The following KLC1 variants were observed in gnomAD, a reference collection of about 807,000 sequenced individuals.
KLC1 encodes kinesin 2 60/70kDa.
In KLC1, 30 loss-of-function variants were observed where a neutral mutation model predicts 84.2. The observed-to-expected ratio is 0.36, with a 90% CI of 0.27 to 0.48. The LOEUF is 0.48. KLC1 is among the 20% of genes least tolerant of loss of function. KLC1 has a pLI of 0.99. For missense variants in KLC1, 499 were observed against 805.4 expected (o/e 0.62, Z 4.60); for synonymous variants, 289 against 293.3 (o/e 0.99, Z 0.15).
intron 12 of KLC1, among the ~76,000 whole-genome samples, chr14:103,678,697 GAAAA>G (rs369328870): frequency 1.3e-4 from 18 of 138,074 alleles, no homozygotes; most frequent in African/African-American, 4.8e-4. Flanking sequence ...CTCAAAGAAA[GAAAA>G]AAAAAAAGAA....
intron 11 of KLC1, among the ~76,000 whole-genome samples, chr14:103,676,472 G>T (rs2080885742): frequency 6.6e-6 from 1 of 152,078 alleles, no homozygotes; most frequent in Admixed American, 6.5e-5. Context: ...CACCGTGTTG[G>T]CCAGGCTGGT....
Position 103,686,843 on chromosome 14 carries a change from C to T in KLC1, c.1651-238C>T, listed in dbSNP as rs906011933. 5.3e-5 allele frequency: 10 copies of T among 190,004 alleles called. No individual in the cohort carries two copies. The East Asian group carries it at 1.2e-3, about 23-fold the overall frequency. The allele number at this position is 190,004 out of a possible 1,614,324, so 11.8% of individuals were successfully genotyped here. ...GCGATCACTTGTTTGAATGAGCTTC[C>T]TTATGTCCAAAGGTTTTCATGATCA... On this transcript the variant is annotated intron_variant, in intron 13 of 16. Transcript: ENST00000334553.
intron 2 of KLC1, among the ~76,000 whole-genome samples, chr14:103,656,049 T>C (rs1189347989): frequency 6.6e-6 from 1 of 152,246 alleles, no homozygotes; most frequent in Non-Finnish European, 1.5e-5. Context: ...TCTGCCACAC[T>C]GCACCTTGGC....
chr14:103,638,938 G>T (rs1381669954), intron 1 of KLC1, among the ~76,000 whole-genome samples: 9 of 152,094 alleles, frequency 5.9e-5, no homozygotes, highest in African/African-American at 2.2e-4. Flanking sequence ...GAGTGGTAGG[G>T]TTCCTGAAGC....
At chr14:103,663,767 TG>T (rs1475109503) in intron 5 of KLC1, among the ~76,000 whole-genome samples, 1 of 152,044 alleles carries the variant, frequency 6.6e-6, no homozygotes, top group East Asian at 1.9e-4. Flanking sequence ...AGTTGGGGGC[TG>T]GAGCCGGAGG....
In KLC1 at chr14:103,679,452, C is replaced by T; in HGVS notation, c.1557C>T (p.Arg519=). The stretch of plus-strand genomic sequence containing the variant: ...ATGACCCTGAGAACATGGAGAAGCG[C>T]AGGAGCCGTGAGAGCCTCAACGTGG... ...VLNDPENMEK[R]RSRESLNVDV... Residue 519 remains arginine, a synonymous_variant, in exon 13 of 17, where the codon CGC becomes CGT. Transcript: ENST00000334553. 1.9e-6 allele frequency: 3 copies of T among 1,614,158 alleles called. No homozygotes were observed. The highest frequency in any genetic ancestry group is 1.1e-5 in the South Asian group (1 of 91,072).
Position 103,679,308 on chromosome 14 carries a change from G to A in KLC1, c.1489-76G>A, listed in dbSNP as rs140623157. 4.5e-5 allele frequency: 56 copies of A among 1,231,922 alleles called. No homozygotes were observed. The East Asian group carries it at 1.3e-3, about 29-fold the overall frequency. 76.3% of individuals were successfully genotyped at this position (1,231,922 alleles called of 1,614,324 possible). A position where few individuals can be genotyped will look rare whatever the true frequency, so the allele number is the denominator to read the frequency against. Reference sequence around the variant, plus strand: ...GAACTGTTTTTTTTTTTTTTTTCTAGCGAAGTATCTCAGAAATACCTAAGA... The same window carrying A: ...GAACTGTTTTTTTTTTTTTTTTCTAACGAAGTATCTCAGAAATACCTAAGA... On this transcript the variant is annotated intron_variant, in intron 12 of 16. Transcript: ENST00000334553.
At chr14:103,663,073 A>G in intron 5 of KLC1, 146 bp downstream of exon 5, 1 of 538,716 alleles carries the variant, frequency 1.9e-6, no homozygotes, top group Non-Finnish European at 3.2e-6. Flanking sequence ...AATTAAAAAT[A>G]TTTAGCAAGC....
intron 1 of KLC1, among the ~76,000 whole-genome samples, chr14:103,651,217 C>T (rs1447769277): frequency 6.6e-6 from 1 of 152,116 alleles, no homozygotes; most frequent in Admixed American, 6.6e-5. Context: ...ACCATGTTGG[C>T]CAGGCTGGTC....
At chr14:103,663,149 G>A (rs1378579418) in intron 5 of KLC1, among the ~76,000 whole-genome samples, 1 of 149,826 alleles carries the variant, frequency 6.7e-6, no homozygotes, top group Non-Finnish European at 1.5e-5. Context: ...GTGTGATCTC[G>A]GTTCACTGCA....
At chr14:103,669,864 T>C (rs2080228965) in intron 6 of KLC1, among the ~76,000 whole-genome samples, 1 of 152,234 alleles carries the variant, frequency 6.6e-6, no homozygotes, top group Non-Finnish European at 1.5e-5. Context: ...AATTTTTTTC[T>C]GAAAATTATA....
At chr14:103,675,814 G>A in intron 11 of KLC1, 58 bp downstream of exon 11, 1 of 1,380,298 alleles carries the variant, frequency 7.2e-7, no homozygotes, top group Non-Finnish European at 1.0e-6. Context: ...AGGTAATTGT[G>A]TTCTACAGGG....
intron 14 of KLC1, among the ~76,000 whole-genome samples, chr14:103,689,750 T>C (rs1297615642): frequency 6.6e-6 from 1 of 152,240 alleles, no homozygotes; most frequent in Non-Finnish European, 1.5e-5. Context: ...TAACAGTGAC[T>C]GTACTGAAAG....
At chr14:103,643,117 T>C (rs1027783783) in intron 1 of KLC1, among the ~76,000 whole-genome samples, 3 of 152,126 alleles carry the variant, frequency 2.0e-5, no homozygotes, top group African/African-American at 7.2e-5. Context: ...ACCTAAAGTA[T>C]AAAACAAATA....
chr14:103,642,260 AC>A (rs1199263676), intron 1 of KLC1, among the ~76,000 whole-genome samples: 2 of 152,038 alleles, frequency 1.3e-5, no homozygotes, highest in African/African-American at 4.8e-5. Context: ...CACTAATCCC[AC>A]CGTGAGGGGT....
chr14:103,639,130 C>A (rs546646797), intron 1 of KLC1, among the ~76,000 whole-genome samples: 5 of 152,238 alleles, frequency 3.3e-5, no homozygotes, highest in African/African-American at 1.2e-4. Flanking sequence ...TTTGAAAATG[C>A]TCCCAAAACT....
In KLC1 at chr14:103,701,227, A is replaced by G. The variant is rs861536; in HGVS notation, c.*28A>G. Reference sequence around the variant, plus strand: ...GACCCCGACCTGGCCCCGCTCCAGGATGGGACTGCCGAGTGTGGCCCGGAG... The same window carrying G: ...GACCCCGACCTGGCCCCGCTCCAGGGTGGGACTGCCGAGTGTGGCCCGGAG... On this transcript the variant is annotated 3_prime_UTR_variant, in exon 17 of 17. Transcript: ENST00000334553. 0.34 allele frequency: 528,947 copies of G among 1,544,776 alleles called. 95,476 individuals are homozygous for G. The highest frequency in any genetic ancestry group is 0.38 in the Middle Eastern group (2,296 of 5,970).
rs760225066 is a variant in KLC1, at chr14:103,677,489, C to T, written c.1454C>T (p.Thr485Met). The T allele has an allele frequency of 4.3e-6, 7 of 1,613,920 alleles. No individual in the cohort carries two copies. The highest frequency in any genetic ancestry group is 4.5e-5 in the East Asian group (2 of 44,876). Residue 485 changes from threonine (T) to methionine (M), a missense_variant, in exon 12 of 17, where the codon ACG becomes ATG. Thr to Met is a moderately conservative substitution (Grantham distance 81). This residue lies in a region of KLC1 where 153 missense variants were observed against 332.4 expected (regional missense o/e 0.46). Coordinates refer to ENST00000334553, the MANE Select transcript of KLC1 (RefSeq NM_001394837.1). ...RRQGKFEAAE[T>M]LEEAAMRSRK... Reference sequence around the variant, plus strand: ...CAAGGCAAATTTGAAGCTGCAGAAACGTTAGAAGAAGCTGCTATGAGGTCT... The same window carrying T: ...CAAGGCAAATTTGAAGCTGCAGAAATGTTAGAAGAAGCTGCTATGAGGTCT...
chr14:103,677,345 T>C (rs1176739775), intron 11 of KLC1, 70 bp from the exon 12 acceptor site: 1 of 871,430 alleles, frequency 1.1e-6, no homozygotes, highest in Non-Finnish European at 1.9e-6. Flanking sequence ...TTCTTTAGAT[T>C]ATGTGCTGTT....
Sources: gnomAD v4.1 joint callset for allele counts (sites outside exome capture counted in the v4.1 genomes callset) on GRCh38, gnomAD v4.1.1 for gene constraint, gnomAD v4.1.1 regional missense constraint, MANE v1.5 for transcripts, NCBI Gene and HGNC (gene_info 2026-07-23, HGNC 2026-07-21) for gene names.